AHCTF1: variants seen among roughly 807,000 people sequenced by gnomAD.
AHCTF1 encodes AT-hook containing transcription factor 1.
In AHCTF1, 24 loss-of-function variants were observed where a neutral mutation model predicts 248.4. The ratio of observed to expected loss-of-function variants is 0.10; its 90% CI spans 0.07 to 0.14. The LOEUF (loss-of-function observed/expected upper bound fraction) is 0.14, where lower values mean the gene tolerates loss of function less well. AHCTF1 is among the 10% of genes least tolerant of loss of function. AHCTF1 has a pLI of 1.00. For synonymous variants in AHCTF1, 786 were observed against 929.8 expected (o/e 0.85, Z 2.81); for missense variants, 2,206 against 2,636.2 (o/e 0.84, Z 3.57).
At chr1:246,871,094 C>A (rs1170480800) in intron 24 of AHCTF1, among the ~76,000 whole-genome samples, 1 of 152,136 alleles carries the variant, frequency 6.6e-6, no homozygotes, top group Non-Finnish European at 1.5e-5. Context: ...GGAGCACTTA[C>A]CCAAATGCTA....
chr1:246,909,111 T>TATCTATC (rs1195800928), intron 4 of AHCTF1, among the ~76,000 whole-genome samples: 5 of 99,710 alleles, frequency 5.0e-5, no homozygotes, highest in South Asian at 3.2e-4. Flanking sequence ...ATCTATCTAT[T>TATCTATC]TATATATATA....
At chr1:246,885,040 T>C (rs1295143831) in intron 21 of AHCTF1, among the ~76,000 whole-genome samples, 1 of 152,174 alleles carries the variant, frequency 6.6e-6, no homozygotes, top group Non-Finnish European at 1.5e-5. Context: ...TGGCAACAAA[T>C]ATAACTAAAA....
intron 1 of AHCTF1, among the ~76,000 whole-genome samples, chr1:246,929,829 G>A (rs1376149374): frequency 1.3e-5 from 2 of 152,218 alleles, no homozygotes; most frequent in South Asian, 2.1e-4. Context: ...CAAGGCGGGC[G>A]GATCACGAGG....
intron 24 of AHCTF1, among the ~76,000 whole-genome samples, chr1:246,869,249 T>C (rs771906906): frequency 1.3e-5 from 2 of 152,126 alleles, no homozygotes; most frequent in Non-Finnish European, 2.9e-5. Flanking sequence ...ACTGACTAAC[T>C]GTTCCCCCGC....
chr1:246,869,138 C>A (rs1779979), intron 24 of AHCTF1, among the ~76,000 whole-genome samples: 18 of 151,696 alleles, frequency 1.2e-4, no homozygotes, highest in South Asian at 4.2e-4. Context: ...CCACCACGCC[C>A]GGCCGTGTGT....
At chr1:246,858,870 T>G (rs1363490433) in intron 29 of AHCTF1, among the ~76,000 whole-genome samples, 1 of 151,854 alleles carries the variant, frequency 6.6e-6, no homozygotes, top group Admixed American at 6.6e-5. Context: ...TCAGTGAAGA[T>G]AATGCTATGA....
intron 20 of AHCTF1, 23 bp downstream of exon 20, chr1:246,887,188 A>C: frequency 6.3e-7 from 1 of 1,577,400 alleles, no homozygotes; most frequent in South Asian, 1.2e-5. Context: ...ATGAAAGTTT[A>C]TGCTGTAAGT....
intron 4 of AHCTF1, among the ~76,000 whole-genome samples, chr1:246,910,874 G>A (rs1292532397): frequency 1.3e-5 from 2 of 152,204 alleles, no homozygotes; most frequent in South Asian, 2.1e-4. Flanking sequence ...GTGTTCTGAT[G>A]TGGAAAGATG....
intron 31 of AHCTF1, among the ~76,000 whole-genome samples, chr1:246,853,877 G>C (rs1660902360): frequency 6.6e-6 from 1 of 151,244 alleles, no homozygotes; most frequent in South Asian, 2.1e-4. Context: ...CTAACATGTG[G>C]ATACTAATAA....
chr1:246,868,848 T>TTG lies in AHCTF1; in HGVS notation c.3089-1038_3089-1037insCA, dbSNP rs1491087320. Among the ~76,000 whole-genome samples, 19 of 18,194 alleles carry TTG rather than the reference T, an allele frequency of 1.0e-3. 1 individual carries two copies. The highest frequency in any genetic ancestry group is 2.4e-4 in the Non-Finnish European group (3 of 12,480). The allele number at this position is 18,194 out of a possible 152,430, so 11.9% of individuals were successfully genotyped here. A position where few individuals can be genotyped will look rare whatever the true frequency, so the allele number is the denominator to read the frequency against. ...GCTTCATTGTGTGTGTGTTTTTTGT[T>TTG]TTTTTTTTTTTTTTGAGATGGAGTC... On this transcript the variant is annotated intron_variant, in intron 24 of 35. Transcript: ENST00000648844.
intron 13 of AHCTF1, among the ~76,000 whole-genome samples, chr1:246,895,130 T>A (rs1225145138): frequency 6.6e-6 from 1 of 152,276 alleles, no homozygotes; most frequent in African/African-American, 2.4e-5. Flanking sequence ...AGATCTCTTT[T>A]CCAAAAAACA....
chr1:246,854,655 CA>C (rs1252799477), intron 31 of AHCTF1, among the ~76,000 whole-genome samples: 2 of 152,162 alleles, frequency 1.3e-5, no homozygotes, highest in Non-Finnish European at 2.9e-5. Context: ...CCAAGCGCTA[CA>C]CAAAACACTT....
rs759476253 is a variant in AHCTF1 at position 246,900,405 on chromosome 1, C to G, written c.1182G>C (p.Lys394Asn). The G allele has an allele frequency of 6.2e-7, 1 of 1,600,732 alleles. No individual in the cohort carries two copies. Among genetic ancestry groups the G allele is most frequent in the Non-Finnish European group, 8.5e-7 (1 of 1,177,204 alleles). ...CAAAAAGCCCCAAATATACAGAAGG[C>G]TTTCCCTGTCCATATATATTCACCT... ...TWQVNIYGQG[K>N]PSVYLGLFDI... The change falls in exon 9 of 36, where the codon AAG becomes AAC. Residue 394 changes from lysine (K) to asparagine (N), a missense_variant. Coordinates refer to ENST00000648844, the MANE Select transcript of AHCTF1 (RefSeq NM_001323342.2).
chr1:246,913,143 C>A, intron 4 of AHCTF1, 89 bp downstream of exon 4: 1 of 1,074,598 alleles, frequency 9.3e-7, no homozygotes, highest in South Asian at 2.2e-5. Context: ...TTTACTCCAG[C>A]TGCTATAAAA....
intron 31 of AHCTF1, among the ~76,000 whole-genome samples, chr1:246,855,519 G>A (rs564688944): frequency 2.0e-5 from 3 of 152,262 alleles, no homozygotes; most frequent in African/African-American, 4.8e-5. Flanking sequence ...TTGAATATTA[G>A]AGCCACAGAA....
chr1:246,901,082 G>A (rs1287154178), intron 8 of AHCTF1, among the ~76,000 whole-genome samples: 1 of 152,302 alleles, frequency 6.6e-6, no homozygotes, highest in East Asian at 1.9e-4. Flanking sequence ...GCTCACACTT[G>A]TAATCCCAGC....
At chr1:246,887,422 A>C in intron 19 of AHCTF1, 65 bp from the exon 20 acceptor site, 3 of 1,445,532 alleles carry the variant, frequency 2.1e-6, no homozygotes, top group Non-Finnish European at 2.8e-6. Context: ...ATATATTTAC[A>C]ATAGGTAGCA....
Position 246,840,962 on chromosome 1 carries a change from GGGA to G in AHCTF1, c.6642_6644del (p.Pro2215del). 1.2e-6 allele frequency: 2 copies of G among 1,610,812 alleles called. No homozygotes were observed. Among genetic ancestry groups the G allele is most frequent in the Non-Finnish European group, 1.7e-6 (2 of 1,179,090 alleles). ...AGGGGGAAATCAGCCGAATTTCTATGGGAGGAGGTGACCAAGCACTTTCTTTTT... is the reference window on the plus strand; with the variant it reads ...AGGGGGAAATCAGCCGAATTTCTATGGGAGGTGACCAAGCACTTTCTTTTT... On this transcript the variant is annotated inframe_deletion, in exon 36 of 36. Transcript: ENST00000648844.
Position 246,850,265 on chromosome 1 carries a change from G to A in AHCTF1, c.5741C>T (p.Ser1914Phe), listed in dbSNP as rs1415628844. ...ATCTTGCTTATTTCCTGTATTTTCAGAAGCATCTAAATTAGTACTTCTCAA... is the reference window on the plus strand; with the variant it reads ...ATCTTGCTTATTTCCTGTATTTTCAAAAGCATCTAAATTAGTACTTCTCAA... ...RKLRSTNLDA[S>F]ENTGNKQDDK... The change falls in exon 33 of 36, where the codon TCT (serine) becomes TTT (phenylalanine). Residue 1914 changes from serine to phenylalanine, a missense_variant. By Grantham distance (155) the Ser-to-Phe change is radical (BLOSUM62 -2). This residue lies in a region of AHCTF1 where 469 missense variants were observed against 470.0 expected (regional missense o/e 1.00). Coordinates refer to ENST00000648844, the MANE Select transcript of AHCTF1 (RefSeq NM_001323342.2). The A allele has an allele frequency of 1.2e-6, 2 of 1,613,764 alleles. No individual in the cohort carries two copies. The highest frequency in any genetic ancestry group is 1.7e-6 in the Non-Finnish European group (2 of 1,179,860).
Sources: allele counts gnomAD v4.1 joint callset (sites outside exome capture counted in the v4.1 genomes callset), GRCh38; gene constraint gnomAD v4.1.1; regional missense constraint gnomAD v4.1.1; transcripts MANE v1.5; gene names NCBI Gene and HGNC (gene_info 2026-07-23, HGNC 2026-07-21).